Variants in ZNF726 observed in about 807,000 individuals in gnomAD.
ZNF726 encodes zinc finger protein 726.
In ZNF726, 15 loss-of-function variants were observed where a neutral mutation model predicts 11.6. That is an observed-to-expected ratio of 1.29 (90% confidence interval 0.86 to 1.99). The LOEUF (loss-of-function observed/expected upper bound fraction) is 1.99, where lower values mean the gene tolerates loss of function less well. Ranked by LOEUF, ZNF726 falls within the 30% of genes most tolerant of loss-of-function variation. The pLI is 0.00. For synonymous variants in ZNF726, 295 were observed against 243.6 expected (o/e 1.21, Z -1.96); for missense variants, 890 against 725.6 (o/e 1.23, Z -2.60).
chr19:23,925,083 A>G (rs1341811505), intron 3 of ZNF726, among the ~76,000 whole-genome samples: 1 of 152,190 alleles, frequency 6.6e-6, no homozygotes, highest in African/African-American at 2.4e-5. Flanking sequence ...ATTGTCTTAT[A>G]TATCTAAGTG....
In ZNF726 at chr19:23,915,001, A is replaced by G. The variant is rs1417647082; in HGVS notation, c.3+4A>G. ...GCCCCCTGGAAGCCTAGAAATGGTG[A>G]GAGTGCCGGGTGCGACATCCCAAGA... is the stretch of plus-strand genomic sequence containing the variant. On this transcript the variant is annotated splice_donor_region_variant and intron_variant, in intron 1 of 3. Transcript: ENST00000594466. 6.2e-7 allele frequency: 1 copy of G among 1,613,592 alleles called. No homozygotes were observed. Among genetic ancestry groups the G allele is most frequent in the African/African-American group, 1.3e-5 (1 of 74,898 alleles).
intron 3 of ZNF726, among the ~76,000 whole-genome samples, chr19:23,922,408 A>C (rs1967875017): frequency 6.6e-6 from 1 of 152,232 alleles, no homozygotes; most frequent in Non-Finnish European, 1.5e-5. Flanking sequence ...GACCACAGGA[A>C]AGGCCAAGGT....
chr19:23,918,094 G>C (rs1047304978), intron 1 of ZNF726, among the ~76,000 whole-genome samples: 1 of 152,112 alleles, frequency 6.6e-6, no homozygotes, highest in African/African-American at 2.4e-5. Flanking sequence ...GATCAGTTTC[G>C]GTGGAAGTAG....
downstream of ZNF726, among the ~76,000 whole-genome samples, chr19:23,937,046 G>GC (rs1968246159): frequency 2.0e-5 from 3 of 151,318 alleles, no homozygotes; most frequent in Non-Finnish European, 4.4e-5. Flanking sequence ...GGGCAGAGGC[G>GC]CCCCTCACCT....
intron 3 of ZNF726, among the ~76,000 whole-genome samples, chr19:23,930,121 T>G (rs1320597697): frequency 6.6e-6 from 1 of 152,230 alleles, no homozygotes; most frequent in Non-Finnish European, 1.5e-5. Flanking sequence ...TTGGTAGAAC[T>G]GTGCTACTGG....
chr19:23,916,082 G>A (rs972000446), intron 1 of ZNF726, among the ~76,000 whole-genome samples: 1 of 152,024 alleles, frequency 6.6e-6, no homozygotes, highest in African/African-American at 2.4e-5. Context: ...CTAATTTCCT[G>A]CCACTTAATG....
At chr19:23,915,382 A>G (rs1967673297) in intron 1 of ZNF726, among the ~76,000 whole-genome samples, 2 of 152,126 alleles carry the variant, frequency 1.3e-5, no homozygotes, top group Non-Finnish European at 1.5e-5. Context: ...ATTTTTTCCT[A>G]TTAAAAATTT....
At chr19:23,938,493 T>C (rs1968283407), downstream of ZNF726, among the ~76,000 whole-genome samples, 1 of 152,296 alleles carries the variant, frequency 6.6e-6, no homozygotes, top group African/African-American at 2.4e-5. Flanking sequence ...CTGTATAACC[T>C]TTTGGCTTAT....
intron 3 of ZNF726, among the ~76,000 whole-genome samples, chr19:23,931,194 G>A (rs1288153080): frequency 6.6e-6 from 1 of 152,146 alleles, no homozygotes; most frequent in Non-Finnish European, 1.5e-5. Flanking sequence ...GGATGGTCTT[G>A]ATCTCCTGAC....
intron 4 of ZNF726, chr19:23,943,626 C>T (rs920303187): frequency 1.0e-5 from 6 of 573,226 alleles, no homozygotes; most frequent in African/African-American, 1.8e-5. Context: ...ACACAGATGA[C>T]AGGTTCAAAG....
chr19:23,920,201 G>A, intron 3 of ZNF726, 119 bp downstream of exon 3: 1 of 625,458 alleles, frequency 1.6e-6, no homozygotes, highest in Non-Finnish European at 2.6e-6. Context: ...TGGAAAGCCT[G>A]AAATTTAAAA....
exon 4 of ZNF726, chr19:23,943,547 C>A: frequency 1.5e-6 from 1 of 676,268 alleles, no homozygotes; most frequent in Non-Finnish European, 2.7e-6. Flanking sequence ...AATAAAAGAG[C>A]CCTGGAATGT....
chr19:23,917,655 C>T (rs561493349), intron 1 of ZNF726, among the ~76,000 whole-genome samples: 18 of 151,892 alleles, frequency 1.2e-4, no homozygotes, highest in South Asian at 8.3e-4. Flanking sequence ...ATTCTGTATC[C>T]TTTTTTGTTT....
chr19:23,937,788 G>A (rs915067739), downstream of ZNF726, among the ~76,000 whole-genome samples: 2 of 152,220 alleles, frequency 1.3e-5, no homozygotes, highest in Non-Finnish European at 2.9e-5. Context: ...GGAGGCCAAG[G>A]CAGGCTGCTG....
At chr19:23,922,289 C>T (rs958516333) in intron 3 of ZNF726, among the ~76,000 whole-genome samples, 46 of 152,202 alleles carry the variant, frequency 3.0e-4, no homozygotes, top group African/African-American at 1.1e-3. Context: ...ATGGCTTTCA[C>T]CCAGTACAAG....
In ZNF726 at chr19:23,933,661, C is replaced by G. The variant is rs1568380872; in HGVS notation, c.1545C>G (p.Gly515=). The G allele has an allele frequency of 1.2e-6, 2 of 1,611,104 alleles. No homozygotes were observed. The highest frequency in any genetic ancestry group is 2.2e-5 in the South Asian group (2 of 91,008). The part of the protein sequence containing the change: ...GEKPYKCEEC[G]KAFILSSTLS... The stretch of plus-strand genomic sequence containing the variant: ...AACCCTACAAATGTGAAGAATGTGG[C>G]AAAGCATTTATATTGTCCTCGACCC... Residue 515 remains glycine (G), a synonymous_variant, in exon 4 of 4, where the codon GGC becomes GGG. Transcript: ENST00000594466.
downstream of ZNF726, among the ~76,000 whole-genome samples, chr19:23,938,921 T>C (rs1968292719): frequency 6.6e-6 from 1 of 152,150 alleles, no homozygotes; most frequent in Non-Finnish European, 1.5e-5. Flanking sequence ...TGTAATAGTT[T>C]ATGAAATATT....
At chr19:23,915,216 C>T (rs1967667800) in intron 1 of ZNF726, among the ~76,000 whole-genome samples, 1 of 152,134 alleles carries the variant, frequency 6.6e-6, no homozygotes, top group African/African-American at 2.4e-5. Context: ...AGTGACTGTG[C>T]CCTGGCCTGG....
chr19:23,925,382 C>T (rs1246898417), intron 3 of ZNF726, among the ~76,000 whole-genome samples: 12 of 151,990 alleles, frequency 7.9e-5, no homozygotes, highest in Admixed American at 2.0e-4. Context: ...TTAGTAGAGA[C>T]GGGATTTCAC....
Sources: allele counts gnomAD v4.1 joint callset (sites outside exome capture counted in the v4.1 genomes callset), GRCh38; gene constraint gnomAD v4.1.1; transcripts MANE v1.5; gene names NCBI Gene and HGNC (gene_info 2026-07-23, HGNC 2026-07-21).